KDM2B: variants seen among roughly 807,000 people sequenced by gnomAD.
KDM2B encodes lysine-specific demethylase 2B.
KDM2B carries 26 observed loss-of-function variants against 150.0 expected under a neutral mutation model. That is an observed-to-expected ratio of 0.17 (90% CI 0.13 to 0.24). KDM2B has a LOEUF of 0.24. KDM2B is among the 10% of genes least tolerant of loss of function. The pLI, the probability that KDM2B is intolerant of heterozygous loss-of-function variation, is 1.00. For missense variants in KDM2B, 1,265 were observed against 1,816.9 expected (o/e 0.70, Z 5.52); for synonymous variants, 734 against 729.5 (o/e 1.01, Z -0.10).
At chr12:121,579,098 G>A in intron 1 of KDM2B, 152 bp from the exon 2 acceptor site, 3 of 836,580 alleles carry the variant, frequency 3.6e-6, no homozygotes, top group Non-Finnish European at 5.5e-6. Flanking sequence ...TGCCAAAGAT[G>A]CTGAAAAGCA....
Position 121,490,269 on chromosome 12 carries a change from C to G in KDM2B, c.1734+4310G>C, listed in dbSNP as rs555904119. Among the ~76,000 whole-genome samples, 4 of 152,350 alleles carry G rather than the reference C, an allele frequency of 2.6e-5. No homozygotes were observed. The East Asian group carries it at 7.7e-4, about 29-fold the overall frequency. On this transcript the variant is annotated intron_variant, in intron 12 of 22. Coordinates refer to ENST00000377071, the MANE Select transcript of KDM2B (RefSeq NM_032590.5). ...TGTCCCCGTAAGGAAGCTGATCCAA[C>G]AGCTACTGATGAGGACTGTCTCCAT...
intron 14 of KDM2B, 125 bp from the exon 15 acceptor site, chr12:121,444,661 T>G: frequency 1.3e-6 from 1 of 776,218 alleles, no homozygotes; most frequent in Non-Finnish European, 2.2e-6. Context: ...ATCTATCCCG[T>G]TTCCAGGCAA....
intron 13 of KDM2B, among the ~76,000 whole-genome samples, chr12:121,447,175 T>C (rs1555290528): frequency 6.6e-6 from 1 of 152,208 alleles, no homozygotes; most frequent in Non-Finnish European, 1.5e-5. Context: ...AAAATTTTCC[T>C]CATACTCCCT....
intron 16 of KDM2B, 80 bp downstream of exon 16, chr12:121,443,932 C>T (rs1875650876): frequency 6.6e-7 from 1 of 1,519,534 alleles, no homozygotes; most frequent in Non-Finnish European, 8.9e-7. Context: ...TGCTGCCCAC[C>T]CCCTGCCCCA....
intron 12 of KDM2B, among the ~76,000 whole-genome samples, chr12:121,456,887 G>A (rs1379764343): frequency 1.3e-5 from 2 of 152,148 alleles, no homozygotes; most frequent in South Asian, 2.1e-4. Context: ...GCAGTCTCTC[G>A]AGACCTTGAT....
At position 121,444,031 on chromosome 12, in the gene KDM2B, T is replaced by C; in HGVS notation, c.2432A>G (p.Glu811Gly). 3 of 1,612,734 alleles carry C rather than the reference T, an allele frequency of 1.9e-6. No individual in the cohort carries two copies. The highest frequency in any genetic ancestry group is 2.5e-6 in the Non-Finnish European group (3 of 1,179,298). The change falls in exon 16 of 23, where the codon GAG becomes GGG. Residue 811 changes from glutamate (E) to glycine (G), a missense_variant. This residue lies in a region of KDM2B where 418 missense variants were observed against 402.4 expected (regional missense o/e 1.04). Transcript: ENST00000377071. Reference protein sequence around the residue: ...RKKRKYEKPQELSGRKRASSL... With the variant: ...RKKRKYEKPQGLSGRKRASSL... Reference sequence around the variant, plus strand: ...CCGTACCCGCTTGCGTCCACTCAGCTCCTGGGGCTTCTCGTATTTCCGCTT... The same window carrying C: ...CCGTACCCGCTTGCGTCCACTCAGCCCCTGGGGCTTCTCGTATTTCCGCTT...
chr12:121,508,942 G>A (rs1270428468), intron 11 of KDM2B, among the ~76,000 whole-genome samples: 3 of 152,186 alleles, frequency 2.0e-5, no homozygotes, highest in African/African-American at 7.2e-5. Context: ...GTCTCTCGAG[G>A]CCAGTGACAG....
intron 12 of KDM2B, among the ~76,000 whole-genome samples, chr12:121,484,619 A>G (rs550126635): frequency 1.4e-4 from 22 of 151,990 alleles, no homozygotes; most frequent in Non-Finnish European, 2.2e-4. Flanking sequence ...GGAGGTCAAG[A>G]CCAATCTGAG....
chr12:121,462,857 C>G (rs1238436842), intron 12 of KDM2B, among the ~76,000 whole-genome samples: 2 of 152,092 alleles, frequency 1.3e-5, no homozygotes, highest in Non-Finnish European at 2.9e-5. Context: ...AATGCCAGCA[C>G]TTTGGGAGGC....
intron 11 of KDM2B, among the ~76,000 whole-genome samples, chr12:121,507,045 C>G (rs564234854): frequency 6.7e-6 from 1 of 148,616 alleles, no homozygotes; most frequent in East Asian, 2.0e-4. Flanking sequence ...TGCAGTAAGC[C>G]GAGATCACGC....
At position 121,453,351 on chromosome 12, in the gene KDM2B, G is replaced by C. The variant is rs1555292139; in HGVS notation, c.1735-7C>G. 6.4e-7 allele frequency: 1 copy of C among 1,561,786 alleles called. No homozygotes were observed. The highest frequency in any genetic ancestry group is 1.2e-5 in the South Asian group (1 of 84,828). The stretch of plus-strand genomic sequence containing the variant: ...GCCGACCCACAGCCCGGTTCTGCAG[G>C]GGAACAGACACGACTGGTCAGATGG... On this transcript the variant is annotated splice_polypyrimidine_tract_variant and splice_region_variant and intron_variant, in intron 12 of 22. Coordinates refer to ENST00000377071, the MANE Select transcript of KDM2B (RefSeq NM_032590.5). This position sits in a 1 kb window ranked among gnomAD's most constrained non-coding sequence, Gnocchi z 6.4.
intron 8 of KDM2B, chr12:121,524,909 G>A (rs1280627802): frequency 3.9e-6 from 1 of 256,664 alleles, no homozygotes; most frequent in African/African-American, 2.2e-5. Context: ...GGGGGCCCAA[G>A]AAGGGCAGCA....
At chr12:121,477,253 G>A (rs1566314505) in intron 12 of KDM2B, among the ~76,000 whole-genome samples, 1 of 151,842 alleles carries the variant, frequency 6.6e-6, no homozygotes, top group Non-Finnish European at 1.5e-5. Context: ...TTTATTTTTT[G>A]TGGAGGCATG....
At chr12:121,463,470 T>C (rs922460482) in intron 12 of KDM2B, among the ~76,000 whole-genome samples, 6 of 152,180 alleles carry the variant, frequency 3.9e-5, no homozygotes, top group Admixed American at 1.3e-4. Context: ...TAAAGTAAAA[T>C]AAAATAGCTA....
chr12:121,440,905 A>G lies in KDM2B; in HGVS notation c.3521T>C (p.Leu1174Pro), dbSNP rs1874905955. Residue 1174 changes from leucine to proline, a missense_variant, in exon 21 of 23, where the codon CTG (leucine) becomes CCG (proline). This residue lies in a region of KDM2B where 251 missense variants were observed against 397.8 expected (regional missense o/e 0.63). Transcript: ENST00000377071. ...VSALCSSSCP[L>P]LRTLDVQWVE... ...CCACTGGACATCCAGGGTCCGGAGCAGCGGACAACTGGAGCTGCAAAGGGC... is the reference window on the plus strand; with the variant it reads ...CCACTGGACATCCAGGGTCCGGAGCGGCGGACAACTGGAGCTGCAAAGGGC... The G allele has an allele frequency of 6.2e-7, 1 of 1,614,100 alleles. No individual in the cohort carries two copies. The highest frequency in any genetic ancestry group is 1.1e-5 in the South Asian group (1 of 91,084).
At chr12:121,451,461 G>A (rs1462328730) in intron 13 of KDM2B, among the ~76,000 whole-genome samples, 1 of 152,134 alleles carries the variant, frequency 6.6e-6, no homozygotes, top group African/African-American at 2.4e-5. Flanking sequence ...GTCAGATGGT[G>A]CCCCAACCCT....
At chr12:121,495,759 T>C (rs1555300864) in intron 11 of KDM2B, among the ~76,000 whole-genome samples, 1 of 152,212 alleles carries the variant, frequency 6.6e-6, no homozygotes, top group African/African-American at 2.4e-5. Flanking sequence ...GCTTGCTACA[T>C]GTACCCTAAC....
rs570705205 is a variant in KDM2B, at chr12:121,440,575, T to C, written c.3610+241A>G. ...GCAGTGAGACACACGCAGAGCCCCATGAGCGAGTCAACAGGAAAGCAGAGA... is the reference window on the plus strand; with the variant it reads ...GCAGTGAGACACACGCAGAGCCCCACGAGCGAGTCAACAGGAAAGCAGAGA... On this transcript the variant is annotated intron_variant, in intron 21 of 22. Coordinates refer to ENST00000377071, the MANE Select transcript of KDM2B (RefSeq NM_032590.5). The C allele has an allele frequency of 3.7e-5, 19 of 511,878 alleles. No homozygotes were observed. The Middle Eastern group carries it at 1.6e-3, about 42-fold the overall frequency. 31.7% of individuals were successfully genotyped at this position (511,878 alleles called of 1,614,324 possible).
At chr12:121,540,862 C>T (rs1429787566) in intron 6 of KDM2B, among the ~76,000 whole-genome samples, 2 of 151,768 alleles carry the variant, frequency 1.3e-5, no homozygotes, top group African/African-American at 4.8e-5. Flanking sequence ...ACTGTGGGCT[C>T]TGTCTCCCCC....
Sources: gnomAD v4.1 joint callset for allele counts (sites outside exome capture counted in the v4.1 genomes callset) on GRCh38, gnomAD v4.1.1 for gene constraint, gnomAD v4.1.1 regional missense constraint, Gnocchi (gnomAD v3.1) non-coding constraint, MANE v1.5 for transcripts, NCBI Gene and HGNC (gene_info 2026-07-23, HGNC 2026-07-21) for gene names.